DAB1: variants seen among roughly 807,000 people sequenced by gnomAD.
The protein encoded by DAB1 is disabled homolog 1.
DAB1 carries 15 observed loss-of-function variants against 64.6 expected under a neutral mutation model. The ratio of observed to expected loss-of-function variants is 0.23; its 90% CI spans 0.16 to 0.36. The LOEUF (loss-of-function observed/expected upper bound fraction) is 0.36, where lower values mean the gene tolerates loss of function less well. DAB1 is among the 10% of genes least tolerant of loss of function. The pLI, the probability that DAB1 is intolerant of heterozygous loss-of-function variation, is 1.00. For synonymous variants in DAB1, 235 were observed against 251.9 expected, an observed-to-expected ratio of 0.93 and a Z score of 0.64; for missense variants, 596 against 706.7, an observed-to-expected ratio of 0.84 and a Z score of 1.78.
At chr1:58,496,866 A>G (rs1645811577) in intron 3 of DAB1, among the ~76,000 whole-genome samples, 1 of 152,194 alleles carries the variant, frequency 6.6e-6, no homozygotes, top group Admixed American at 6.5e-5. Flanking sequence ...CACATTTCTC[A>G]GGTTGTTTGA....
intron 5 of DAB1, among the ~76,000 whole-genome samples, chr1:58,098,233 G>T (rs1258311753): frequency 1.3e-5 from 2 of 152,116 alleles, no homozygotes; most frequent in Non-Finnish European, 2.9e-5. Context: ...CTCAAATTGG[G>T]TAACACGAAG....
intron 7 of DAB1, among the ~76,000 whole-genome samples, chr1:57,534,691 C>A (rs1644705268): frequency 1.3e-5 from 2 of 152,174 alleles, no homozygotes; most frequent in Non-Finnish European, 1.5e-5. Flanking sequence ...GCTTGGTAAT[C>A]TGCCCACCAG....
intron 1 of DAB1, among the ~76,000 whole-genome samples, chr1:57,335,090 T>C (rs1428874016): frequency 6.6e-6 from 1 of 152,186 alleles, no homozygotes; most frequent in Non-Finnish European, 1.5e-5. Context: ...CACATTCTAA[T>C]TGTTCTTCTA....
intron 1 of DAB1, among the ~76,000 whole-genome samples, chr1:58,532,587 G>C (rs916845236): frequency 6.6e-6 from 1 of 152,112 alleles, no homozygotes; most frequent in Non-Finnish European, 1.5e-5. Flanking sequence ...GAGTGCAGTG[G>C]TGCGATCATG....
intron 1 of DAB1, among the ~76,000 whole-genome samples, chr1:57,357,643 A>G (rs921757259): frequency 2.0e-5 from 3 of 151,660 alleles, no homozygotes; most frequent in African/African-American, 7.3e-5. Flanking sequence ...AGAGTGGGTA[A>G]TTTAGGAAGA....
intron 6 of DAB1, among the ~76,000 whole-genome samples, chr1:57,729,930 G>A (rs1267601811): frequency 6.6e-6 from 1 of 152,172 alleles, no homozygotes; most frequent in Non-Finnish European, 1.5e-5. Flanking sequence ...TCTTATTAAA[G>A]GCACTATTAT....
chr1:57,290,969 T>C lies in DAB1; in HGVS notation c.62A>G (p.Lys21Arg). 1 of 1,611,050 alleles carries C rather than the reference T, an allele frequency of 6.2e-7. No individual in the cohort carries two copies. The highest frequency in any genetic ancestry group is 8.5e-7 in the Non-Finnish European group (1 of 1,178,364). ...AAGGTCAAATTCAGCCCTACCTTTC[T>C]TTCTGGAGTCTTTCTTGGCGCTGGT... Reference protein sequence around the residue: ...VKTSAKKDSRKKGQDRSEATL... With the variant: ...VKTSAKKDSRRKGQDRSEATL... Residue 21 changes from lysine (K) to arginine (R), a missense_variant, in exon 2 of 15, where the codon AAG becomes AGG. This residue lies in a region of DAB1 where 43 missense variants were observed against 39.6 expected (regional missense o/e 1.09). Coordinates refer to ENST00000371236, the MANE Select transcript of DAB1 (RefSeq NM_001365792.1).
intron 1 of DAB1, among the ~76,000 whole-genome samples, chr1:57,830,627 A>G (rs1652544247): frequency 2.0e-5 from 3 of 152,206 alleles, no homozygotes; most frequent in African/African-American, 7.2e-5. Context: ...GAAAGAATTG[A>G]CACACAGGCC....
At chr1:58,493,585 C>T (rs1325669840) in intron 3 of DAB1, among the ~76,000 whole-genome samples, 2 of 151,344 alleles carry the variant, frequency 1.3e-5, no homozygotes, top group Non-Finnish European at 2.9e-5. Flanking sequence ...GATACAAAAT[C>T]AATGTGCAAA....
At chr1:57,866,517 T>C (rs1169226640) in intron 1 of DAB1, 1 of 152,170 alleles carries the variant, frequency 6.6e-6, no homozygotes, top group East Asian at 1.9e-4. Flanking sequence ...AGAATTTCAG[T>C]ACAGCACCTT....
chr1:57,824,989 G>T (rs1260168523), downstream of DAB1, among the ~76,000 whole-genome samples: 1 of 152,186 alleles, frequency 6.6e-6, no homozygotes, highest in African/African-American at 2.4e-5. Flanking sequence ...AGGATAAACT[G>T]GGAAAGGCCT....
intron 9 of DAB1, among the ~76,000 whole-genome samples, chr1:57,049,446 G>A (rs181909059): frequency 7.3e-4 from 26 of 35,588 alleles, no homozygotes; most frequent in Middle Eastern, 0.071. Flanking sequence ...GCAAGACTCC[G>A]TCTCAAAAAA....
chr1:57,358,791 T>C (rs1237276888), intron 1 of DAB1, among the ~76,000 whole-genome samples: 1 of 151,872 alleles, frequency 6.6e-6, no homozygotes, highest in African/African-American at 2.4e-5. Context: ...CATAGACCAA[T>C]AGAACAGAAT....
chr1:58,020,713 G>C (rs563112955), intron 5 of DAB1, among the ~76,000 whole-genome samples: 3 of 152,254 alleles, frequency 2.0e-5, no homozygotes, highest in Non-Finnish European at 2.9e-5. Context: ...CTCTTAGGAA[G>C]AAAAGACCAG....
chr1:57,383,151 AG>A (rs1233718368), intron 1 of DAB1, among the ~76,000 whole-genome samples: 1 of 152,078 alleles, frequency 6.6e-6, no homozygotes, highest in East Asian at 1.9e-4. Flanking sequence ...CTGCTGGTTA[AG>A]GGTGGAATGA....
chr1:58,093,631 C>T (rs551686788), intron 5 of DAB1, among the ~76,000 whole-genome samples: 1 of 151,390 alleles, frequency 6.6e-6, no homozygotes, highest in African/African-American at 2.4e-5. Flanking sequence ...TTCCATTAAA[C>T]TGGTCCCTGG....
At chr1:57,438,222 TAA>T (rs5774345) in intron 7 of DAB1, among the ~76,000 whole-genome samples, 4 of 147,382 alleles carry the variant, frequency 2.7e-5, no homozygotes, top group East Asian at 2.0e-4. Flanking sequence ...GATGCAAATG[TAA>T]AAAAAAAAAA....
chr1:57,550,967 A>T (rs141065028), intron 7 of DAB1, among the ~76,000 whole-genome samples: 17 of 152,324 alleles, frequency 1.1e-4, no homozygotes, highest in Non-Finnish European at 1.9e-4. Context: ...CAACCTTGTA[A>T]GATACCATTA....
intron 4 of DAB1, among the ~76,000 whole-genome samples, chr1:57,096,110 A>G (rs1055781189): frequency 1.3e-5 from 2 of 152,156 alleles, no homozygotes; most frequent in Non-Finnish European, 2.9e-5. Flanking sequence ...TGCTATTATT[A>G]TCTATAGTTA....
Sources: allele counts gnomAD v4.1 joint callset (sites outside exome capture counted in the v4.1 genomes callset), GRCh38; gene constraint gnomAD v4.1.1; regional missense constraint gnomAD v4.1.1; transcripts MANE v1.5; gene names NCBI Gene and HGNC (gene_info 2026-07-23, HGNC 2026-07-21).